Variants in IMMP2L observed in about 807,000 individuals in gnomAD.
IMMP2L encodes inner mitochondrial membrane peptidase subunit 2.
Under a neutral mutation model 19.3 loss-of-function variants are expected in IMMP2L, and 18 were observed. That is an observed-to-expected ratio of 0.93 (90% CI 0.64 to 1.38). The LOEUF (loss-of-function observed/expected upper bound fraction) is 1.38. Among genes scored for constraint, IMMP2L ranks in the 40% most tolerant of loss-of-function variants. The probability of loss-of-function intolerance (pLI) is 0.00; values close to 1 mark genes in which losing one functional copy is unlikely to be tolerated. For synonymous variants in IMMP2L, 76 were observed against 73.0 expected, an observed-to-expected ratio of 1.04 and a Z score of -0.21; for missense variants, 233 against 218.2, an observed-to-expected ratio of 1.07 and a Z score of -0.43.
In IMMP2L at chr7:110,735,525, T is replaced by C. The variant is rs905843473; in HGVS notation, c.409-71804A>G. Among the ~76,000 whole-genome samples, 7 of 151,908 alleles carry C rather than the reference T, an allele frequency of 4.6e-5. 1 individual carries two copies. Among genetic ancestry groups the C allele is most frequent in the Admixed American group, 2.0e-4 (3 of 15,250 alleles). On this transcript the variant is annotated intron_variant, in intron 5 of 5. Coordinates refer to ENST00000405709, the MANE Select transcript of IMMP2L (RefSeq NM_032549.4). The stretch of plus-strand genomic sequence containing the variant: ...AGACAATGAATGAGGCTGGGTGTGG[T>C]GGCTTGTGCCTTTAATCCCAGCAAT...
At chr7:110,891,035 A>C (rs974856210) in intron 4 of IMMP2L, among the ~76,000 whole-genome samples, 1 of 152,074 alleles carries the variant, frequency 6.6e-6, no homozygotes, top group Non-Finnish European at 1.5e-5. Context: ...GATTTAAGGT[A>C]TTCTTATTTC....
rs534848803 is a variant in IMMP2L, at chr7:111,330,999, G to A, written c.239+156239C>T. Reference sequence around the variant, plus strand: ...TGGTGCGAATATATATTAGTATATCGATTATGAAAAACTGTATGGAAGTTC... The same window carrying A: ...TGGTGCGAATATATATTAGTATATCAATTATGAAAAACTGTATGGAAGTTC... On this transcript the variant is annotated intron_variant, in intron 3 of 5. Transcript: ENST00000405709. Among the ~76,000 whole-genome samples, 13 of 151,852 alleles carry A rather than the reference G, an allele frequency of 8.6e-5. No individual in the cohort carries two copies. In the South Asian group the frequency reaches 2.3e-3, roughly 27 times the overall value.
intron 3 of IMMP2L, among the ~76,000 whole-genome samples, chr7:111,421,794 C>T (rs1258762138): frequency 6.6e-6 from 1 of 151,746 alleles, no homozygotes; most frequent in African/African-American, 2.4e-5. Flanking sequence ...AAGTCCTTGT[C>T]CATGCCTATG....
chr7:110,768,716 C>G (rs1202744352), intron 5 of IMMP2L, among the ~76,000 whole-genome samples: 1 of 152,168 alleles, frequency 6.6e-6, no homozygotes. Flanking sequence ...ATTCTCCAAG[C>G]TGAAATAGAC....
chr7:111,340,779 T>C (rs1227361511), intron 3 of IMMP2L, among the ~76,000 whole-genome samples: 1 of 152,070 alleles, frequency 6.6e-6, no homozygotes, highest in Non-Finnish European at 1.5e-5. Flanking sequence ...CTGTTATAAA[T>C]AGCAGGAATG....
chr7:111,338,033 G>T (rs571600579), intron 3 of IMMP2L, among the ~76,000 whole-genome samples: 2 of 152,244 alleles, frequency 1.3e-5, no homozygotes, highest in South Asian at 4.2e-4. Context: ...CTTGTGAAAG[G>T]TGGCAAGTAG....
At chr7:111,284,479 C>A (rs1820273884) in intron 3 of IMMP2L, among the ~76,000 whole-genome samples, 1 of 151,884 alleles carries the variant, frequency 6.6e-6, no homozygotes, top group Admixed American at 6.6e-5. Context: ...GTATTTAGTT[C>A]ATGGAAAGGA....
chr7:111,058,041 C>T (rs942294018), intron 3 of IMMP2L, among the ~76,000 whole-genome samples: 2 of 152,218 alleles, frequency 1.3e-5, no homozygotes, highest in South Asian at 4.1e-4. Flanking sequence ...AATAGAAAGG[C>T]CTGAGCTAAC....
intron 3 of IMMP2L, among the ~76,000 whole-genome samples, chr7:111,419,015 T>G (rs778738267): frequency 6.6e-6 from 1 of 151,916 alleles, no homozygotes; most frequent in East Asian, 1.9e-4. Flanking sequence ...TTACATCAAA[T>G]AAATTACAAA....
chr7:111,250,142 A>T (rs1225509127), intron 3 of IMMP2L, among the ~76,000 whole-genome samples: 1 of 152,132 alleles, frequency 6.6e-6, no homozygotes, highest in East Asian at 1.9e-4. Context: ...ATTATGAATG[A>T]ACTCCCATTC....
chr7:111,064,256 C>T (rs1487643181), intron 3 of IMMP2L, among the ~76,000 whole-genome samples: 1 of 152,150 alleles, frequency 6.6e-6, no homozygotes, highest in African/African-American at 2.4e-5. Context: ...CAGGAAAAAC[C>T]TGCCCCCATA....
At chr7:110,679,642 T>G (rs1008896010) in intron 5 of IMMP2L, among the ~76,000 whole-genome samples, 2 of 152,140 alleles carry the variant, frequency 1.3e-5, no homozygotes, top group African/African-American at 4.8e-5. Context: ...ATCCCGCTGC[T>G]GTGGTGAATG....
At chr7:111,275,686 T>A (rs778622371) in intron 3 of IMMP2L, among the ~76,000 whole-genome samples, 1 of 152,220 alleles carries the variant, frequency 6.6e-6, no homozygotes, top group Non-Finnish European at 1.5e-5. Context: ...GAGAATGGAA[T>A]GTTTTTCCGT....
At chr7:110,940,656 A>C (rs1464267534) in intron 4 of IMMP2L, among the ~76,000 whole-genome samples, 2 of 152,166 alleles carry the variant, frequency 1.3e-5, no homozygotes, top group Non-Finnish European at 2.9e-5. Flanking sequence ...GTGAGTGCGA[A>C]TGAACTGAAC....
At chr7:110,834,691 A>G (rs2131401758) in intron 5 of IMMP2L, among the ~76,000 whole-genome samples, 1 of 152,338 alleles carries the variant, frequency 6.6e-6, no homozygotes, top group South Asian at 2.1e-4. Context: ...CAGTTTGAAG[A>G]AGAGAAAACT....
intron 5 of IMMP2L, chr7:110,665,000 A>T (rs1791344362): frequency 6.6e-6 from 1 of 152,192 alleles, no homozygotes; most frequent in Non-Finnish European, 1.5e-5. Flanking sequence ...ACGGAACTGG[A>T]TGTCAGGGAA....
At chr7:110,748,620 A>G (rs1283082170) in intron 5 of IMMP2L, among the ~76,000 whole-genome samples, 1 of 152,224 alleles carries the variant, frequency 6.6e-6, no homozygotes, top group Non-Finnish European at 1.5e-5. Flanking sequence ...CTGATCTTTG[A>G]CAAACCTGAC....
intron 3 of IMMP2L, among the ~76,000 whole-genome samples, chr7:111,305,692 G>A (rs987149299): frequency 2.0e-5 from 3 of 152,150 alleles, no homozygotes; most frequent in Non-Finnish European, 4.4e-5. Context: ...TTTGTTTGGT[G>A]AGTCTATCCT....
At chr7:111,112,850 C>G (rs1799402330) in intron 3 of IMMP2L, among the ~76,000 whole-genome samples, 1 of 152,122 alleles carries the variant, frequency 6.6e-6, no homozygotes, top group African/African-American at 2.4e-5. Context: ...ATCAGCTAAC[C>G]CCAGCACACC....
Sources: gnomAD v4.1 joint callset for allele counts (sites outside exome capture counted in the v4.1 genomes callset) on GRCh38, gnomAD v4.1.1 for gene constraint, MANE v1.5 for transcripts, NCBI Gene and HGNC (gene_info 2026-07-23, HGNC 2026-07-21) for gene names.